The following KAT6A variants were observed in gnomAD, a reference collection of about 807,000 sequenced individuals.
KAT6A encodes lysine acetyltransferase 6A, also known as histone acetyltransferase KAT6A.
A neutral mutation model predicts 198.4 loss-of-function variants in KAT6A; 9 were observed. The ratio of observed to expected loss-of-function variants is 0.05; its 90% CI spans 0.03 to 0.08. The LOEUF is 0.08. Among genes scored for constraint, KAT6A ranks in the 10% least tolerant of loss-of-function variants. The probability of loss-of-function intolerance (pLI) is 1.00; values close to 1 mark genes in which losing one functional copy is unlikely to be tolerated. For missense variants in KAT6A, 2,077 were observed against 2,509.9 expected (o/e 0.83, Z 3.69); for synonymous variants, 890 against 883.0 (o/e 1.01, Z -0.14).
chr8:41,997,970 G>C (rs1041856561), intron 2 of KAT6A, among the ~76,000 whole-genome samples: 1 of 152,108 alleles, frequency 6.6e-6, no homozygotes, highest in East Asian at 1.9e-4. Flanking sequence ...CTATTTTCAG[G>C]CATGGTATAG....
At chr8:41,973,256 C>T (rs1172547218) in intron 8 of KAT6A, among the ~76,000 whole-genome samples, 10 of 151,102 alleles carry the variant, frequency 6.6e-5, no homozygotes, top group African/African-American at 2.2e-4. Context: ...GATGGAGTCT[C>T]ACTCTGTTGC....
At chr8:41,981,532 A>G (rs1240269139) in intron 4 of KAT6A, among the ~76,000 whole-genome samples, 2 of 152,216 alleles carry the variant, frequency 1.3e-5, no homozygotes, top group African/African-American at 2.4e-5. Flanking sequence ...TGTAATTAAT[A>G]TATCAACTGA....
chr8:42,008,100 T>C (rs1293980337), intron 2 of KAT6A, among the ~76,000 whole-genome samples: 2 of 152,006 alleles, frequency 1.3e-5, no homozygotes, highest in African/African-American at 2.4e-5. Flanking sequence ...AGGCTTTAAC[T>C]ACATAAAACA....
chr8:42,034,336 G>GT (rs1827269658), intron 2 of KAT6A, among the ~76,000 whole-genome samples: 1 of 152,128 alleles, frequency 6.6e-6, no homozygotes, highest in Non-Finnish European at 1.5e-5. Context: ...TTTTAAACAA[G>GT]TTTTTGGGGG....
At chr8:41,956,737 C>G (rs1037831371) in intron 8 of KAT6A, among the ~76,000 whole-genome samples, 1 of 152,104 alleles carries the variant, frequency 6.6e-6, no homozygotes, top group African/African-American at 2.4e-5. Flanking sequence ...TATAACACCA[C>G]CAAGTACTGG....
intron 2 of KAT6A, among the ~76,000 whole-genome samples, chr8:42,025,805 G>A (rs1197852898): frequency 6.6e-6 from 1 of 152,068 alleles, no homozygotes; most frequent in African/African-American, 2.4e-5. Context: ...CCATGCTTTC[G>A]AGGTCTTAAC....
At chr8:41,966,337 C>A (rs1387796979) in intron 8 of KAT6A, among the ~76,000 whole-genome samples, 2 of 152,000 alleles carry the variant, frequency 1.3e-5, no homozygotes, top group Non-Finnish European at 2.9e-5. Flanking sequence ...TCATCTCACA[C>A]CGTCAGAAGA....
intron 8 of KAT6A, among the ~76,000 whole-genome samples, chr8:41,961,237 T>C (rs1823189324): frequency 6.6e-6 from 1 of 152,218 alleles, no homozygotes; most frequent in Non-Finnish European, 1.5e-5. Flanking sequence ...TCTGTCTGCC[T>C]CCACCTTTGT....
chr8:41,939,067 G>A (rs1455539879), intron 15 of KAT6A, among the ~76,000 whole-genome samples: 1 of 151,220 alleles, frequency 6.6e-6, no homozygotes. Flanking sequence ...AAAAGCAGTA[G>A]TATTGGATTA....
chr8:42,002,431 T>A (rs1028445442), intron 2 of KAT6A, among the ~76,000 whole-genome samples: 1 of 152,114 alleles, frequency 6.6e-6, no homozygotes. Flanking sequence ...CATGGTGGTG[T>A]GTGCCTGTAA....
chr8:41,937,337 G>T lies in KAT6A; in HGVS notation c.3271C>A (p.Gln1091Lys), dbSNP rs1280718484. 4.3e-6 allele frequency: 7 copies of T among 1,613,996 alleles called. No homozygotes were observed. The Middle Eastern group carries it at 4.9e-4, about 114-fold the overall frequency. ...PREYFRRLSS[Q>K]DVLRCQSSSK... ...GAGGACTGACACCTGAGTACATCCTGCGAAGACAAACGACGGAAGTATTCT... is the reference window on the plus strand; with the variant it reads ...GAGGACTGACACCTGAGTACATCCTTCGAAGACAAACGACGGAAGTATTCT... The change falls in exon 16 of 17, where the codon CAG becomes AAG. Residue 1091 changes from glutamine (Q) to lysine (K), a missense_variant. Physicochemically the swap from Gln to Lys is moderately conservative, Grantham distance 53. This residue lies in a region of KAT6A where 375 missense variants were observed against 383.0 expected (regional missense o/e 0.98). Transcript: ENST00000265713.
intron 2 of KAT6A, among the ~76,000 whole-genome samples, chr8:42,040,749 A>AG (rs1227496963): frequency 6.6e-5 from 10 of 150,516 alleles, no homozygotes; most frequent in African/African-American, 2.2e-4. Flanking sequence ...AAAAAAAAAA[A>AG]AAAAAAAAAA....
At chr8:42,003,445 C>CA in intron 2 of KAT6A, among the ~76,000 whole-genome samples, 1 of 142,902 alleles carries the variant, frequency 7.0e-6, no homozygotes. Flanking sequence ...ATTCAAACCT[C>CA]TTTTTTTTTT....
intron 2 of KAT6A, among the ~76,000 whole-genome samples, chr8:42,026,585 AAC>A (rs1487350861): frequency 6.6e-6 from 1 of 152,106 alleles, no homozygotes; most frequent in Non-Finnish European, 1.5e-5. Context: ...GGTGTATGGA[AAC>A]ACTACTGATT....
chr8:41,943,094 T>C (rs2150862974), intron 13 of KAT6A, 94 bp from the exon 14 acceptor site: 20 of 1,488,586 alleles, frequency 1.3e-5, no homozygotes, highest in East Asian at 2.3e-5. Context: ...GCATGTAAGA[T>C]GATAGGTGCT....
intron 9 of KAT6A, 121 bp downstream of exon 9, chr8:41,955,175 A>G (rs1293782206): frequency 6.0e-6 from 4 of 666,368 alleles, no homozygotes; most frequent in African/African-American, 1.9e-5. Context: ...ATGGACATTT[A>G]AAAGCCCCCA....
intron 8 of KAT6A, among the ~76,000 whole-genome samples, chr8:41,965,882 T>G (rs1823457391): frequency 6.6e-6 from 1 of 152,098 alleles, no homozygotes; most frequent in South Asian, 2.1e-4. Flanking sequence ...GTAGGAATGG[T>G]AGGTGGGGCG....
At chr8:42,022,246 T>C (rs1399390735) in intron 2 of KAT6A, among the ~76,000 whole-genome samples, 1 of 152,116 alleles carries the variant, frequency 6.6e-6, no homozygotes, top group African/African-American at 2.4e-5. Context: ...AACCTGATAC[T>C]GTATCAGGTT....
intron 3 of KAT6A, among the ~76,000 whole-genome samples, chr8:41,982,866 T>C: frequency 6.6e-6 from 1 of 152,234 alleles, no homozygotes; most frequent in East Asian, 1.9e-4. Flanking sequence ...ATTATATGTA[T>C]GTATGCACAT....
Sources: gnomAD v4.1 joint callset for allele counts (sites outside exome capture counted in the v4.1 genomes callset) on GRCh38, gnomAD v4.1.1 for gene constraint, gnomAD v4.1.1 regional missense constraint, MANE v1.5 for transcripts, NCBI Gene and HGNC (gene_info 2026-07-23, HGNC 2026-07-21) for gene names.